DPH6: variants seen among roughly 807,000 people sequenced by gnomAD.
DPH6 encodes the protein diphthine--ammonia ligase.
In DPH6, 33 loss-of-function variants were observed where a neutral mutation model predicts 38.2. The observed-to-expected ratio is 0.86, with a 90% CI of 0.65 to 1.15. The LOEUF is 1.15. Among genes scored for constraint, DPH6 ranks in the 50% most tolerant of loss-of-function variants. DPH6 has a pLI of 0.00. For synonymous variants in DPH6, 108 were observed against 103.0 expected, an observed-to-expected ratio of 1.05 and a Z score of -0.30; for missense variants, 325 against 320.0, an observed-to-expected ratio of 1.02 and a Z score of -0.12.
intron 3 of DPH6, among the ~76,000 whole-genome samples, chr15:35,498,083 T>C (rs563927503): frequency 3.7e-4 from 57 of 152,176 alleles, no homozygotes; most frequent in African/African-American, 1.4e-3. Context: ...CACAGCACTA[T>C]GCAAGTTCAT....
Position 35,285,664 on chromosome 15 carries a change from A to G in DPH6, n.201-65082T>C, listed in dbSNP as rs568823329. On this transcript the variant is annotated intron_variant and non_coding_transcript_variant, in intron 3 of 3. Transcript: ENST00000560386. ...TCTAAAGAAGTACTTTTCAAATTAA[A>G]ATTTTCAATGAAAATTAAGTAATTA... Among the ~76,000 whole-genome samples, 217 of 152,130 alleles carry G rather than the reference A, an allele frequency of 1.4e-3. 1 individual carries two copies. The highest frequency in any genetic ancestry group is 6.8e-3 in the Middle Eastern group (2 of 294).
chr15:35,532,727 A>G (rs944053396), intron 3 of DPH6, among the ~76,000 whole-genome samples: 1 of 152,108 alleles, frequency 6.6e-6, no homozygotes, highest in African/African-American at 2.4e-5. Flanking sequence ...TCACTGCTTT[A>G]GCCCCAATGT....
chr15:35,482,445 CATT>C (rs2054339073), intron 3 of DPH6, among the ~76,000 whole-genome samples: 1 of 152,048 alleles, frequency 6.6e-6, no homozygotes, highest in Non-Finnish European at 1.5e-5. Context: ...GATTAATAAA[CATT>C]ATAAATTTAC....
rs1480867662 is a variant in DPH6, at chr15:35,473,957, T to TGTGCGC, written c.313-19138_313-19137insGCGCAC. On this transcript the variant is annotated intron_variant, in intron 3 of 8. Coordinates refer to ENST00000256538, the MANE Select transcript of DPH6 (RefSeq NM_080650.4). ...GTGTGTGTGTGTGTGTGTGTGTGTG[T>TGTGCGC]GCGCGCGCGCGCGTGAGCTTTTGTA... 5.5e-3 allele frequency among the ~76,000 whole-genome samples: 211 copies of TGTGCGC among 38,504 alleles called. 2 individuals are homozygous for TGTGCGC. Among genetic ancestry groups the TGTGCGC allele is most frequent in the South Asian group, 0.023 (10 of 436 alleles). 25.3% of individuals were successfully genotyped at this position (38,504 alleles called of 152,430 possible).
intron 5 of DPH6, among the ~76,000 whole-genome samples, chr15:35,416,936 T>C (rs1229183385): frequency 1.3e-5 from 2 of 152,028 alleles, no homozygotes; most frequent in Non-Finnish European, 2.9e-5. Context: ...ATGCACCGGG[T>C]GATATTAGGG....
chr15:35,441,650 G>A (rs2053789581), intron 5 of DPH6, among the ~76,000 whole-genome samples: 1 of 152,284 alleles, frequency 6.6e-6, no homozygotes, highest in African/African-American at 2.4e-5. Context: ...TCACACACCA[G>A]GCCCTGCTGG....
At chr15:35,433,788 GAT>G (rs1228643449) in intron 5 of DPH6, among the ~76,000 whole-genome samples, 1 of 152,146 alleles carries the variant, frequency 6.6e-6, no homozygotes, top group Non-Finnish European at 1.5e-5. Flanking sequence ...CCCATCCCCA[GAT>G]ATTCTAATTT....
chr15:35,345,190 T>G (rs1253025746), intron 3 of DPH6, among the ~76,000 whole-genome samples: 1 of 151,856 alleles, frequency 6.6e-6, no homozygotes, highest in African/African-American at 2.4e-5. Context: ...TATTTCTTGC[T>G]ATACACAGAT....
chr15:35,321,943 G>C (rs767956137), intron 3 of DPH6, among the ~76,000 whole-genome samples: 9 of 152,146 alleles, frequency 5.9e-5, no homozygotes, highest in Non-Finnish European at 1.0e-4. Context: ...AAAGACTCAG[G>C]GGTTAGGGTT....
At chr15:35,326,788 A>G (rs2052286275), downstream of DPH6, among the ~76,000 whole-genome samples, 1 of 152,150 alleles carries the variant, frequency 6.6e-6, no homozygotes, top group Non-Finnish European at 1.5e-5. Flanking sequence ...AGTATTCAAT[A>G]AATACTTACT....
chr15:35,181,968 G>T, the DPH6 span: 1 of 151,128 alleles, frequency 6.6e-6, no homozygotes, highest in African/African-American at 2.4e-5. Context: ...TTAGTAAAAT[G>T]ATTGTCTTTC....
chr15:35,437,379 T>C (rs2053730503), intron 5 of DPH6, among the ~76,000 whole-genome samples: 1 of 152,110 alleles, frequency 6.6e-6, no homozygotes, highest in African/African-American at 2.4e-5. Context: ...GACAGTCCTC[T>C]TGGATGTATG....
At chr15:35,300,532 C>G (rs888134928) in intron 3 of DPH6, among the ~76,000 whole-genome samples, 1 of 151,996 alleles carries the variant, frequency 6.6e-6, no homozygotes, top group East Asian at 1.9e-4. Context: ...ATGTAATGGA[C>G]AAAAGAGAAC....
intron 3 of DPH6, among the ~76,000 whole-genome samples, chr15:35,455,883 A>C (rs978800084): frequency 9.9e-5 from 15 of 152,198 alleles, no homozygotes; most frequent in Admixed American, 6.5e-4. Flanking sequence ...AAGAAAAACA[A>C]AAGTGTTTCA....
chr15:35,164,704 G>T, the DPH6 span, among the ~76,000 whole-genome samples: 1 of 151,884 alleles, frequency 6.6e-6, no homozygotes, highest in African/African-American at 2.4e-5. Context: ...TAGTGGGAAT[G>T]ATCAGGTATT....
At chr15:35,378,619 A>G (rs2052815009) in intron 7 of DPH6, among the ~76,000 whole-genome samples, 1 of 152,238 alleles carries the variant, frequency 6.6e-6, no homozygotes. Flanking sequence ...AATGTGGCAC[A>G]TATACATCAT....
At chr15:35,419,097 T>A (rs928996908) in intron 5 of DPH6, among the ~76,000 whole-genome samples, 1 of 104,096 alleles carries the variant, frequency 9.6e-6, no homozygotes, top group Non-Finnish European at 1.9e-5. Context: ...ACACACACAC[T>A]CTTGAAATCT....
chr15:35,398,773 T>C (rs1373941168), intron 6 of DPH6, among the ~76,000 whole-genome samples: 1 of 152,140 alleles, frequency 6.6e-6, no homozygotes, highest in African/African-American at 2.4e-5. Context: ...CTACTTGTGG[T>C]TGGCATCTGA....
At chr15:35,390,508 T>C (rs2053039139) in intron 6 of DPH6, among the ~76,000 whole-genome samples, 1 of 152,258 alleles carries the variant, frequency 6.6e-6, no homozygotes, top group Admixed American at 6.5e-5. Flanking sequence ...TCTTTTCACA[T>C]AGTCCCATAT....
Sources: allele counts gnomAD v4.1 joint callset (sites outside exome capture counted in the v4.1 genomes callset), GRCh38; gene constraint gnomAD v4.1.1; transcripts MANE v1.5; gene names NCBI Gene and HGNC (gene_info 2026-07-23, HGNC 2026-07-21).